KIRREL3: variants seen among roughly 807,000 people sequenced by gnomAD.
KIRREL3 encodes the protein kirre like nephrin family adhesion molecule 3.
Under a neutral mutation model 89.7 loss-of-function variants are expected in KIRREL3, and 36 were observed. That is an observed-to-expected ratio of 0.40 (90% CI 0.31 to 0.53). The LOEUF (loss-of-function observed/expected upper bound fraction) is 0.53, where lower values mean the gene tolerates loss of function less well. Among genes scored for constraint, KIRREL3 ranks in the 20% least tolerant of loss-of-function variants. The pLI, the probability that KIRREL3 is intolerant of heterozygous loss-of-function variation, is 0.49. For missense variants in KIRREL3, 864 were observed against 1,056.6 expected (o/e 0.82, Z 2.53); for synonymous variants, 445 against 441.4 (o/e 1.01, Z -0.10).
rs1421297064 is a variant in KIRREL3 at position 126,752,657 on chromosome 11, T to G, written c.56-189745A>C. 6.6e-6 allele frequency among the ~76,000 whole-genome samples: 1 copy of G among 152,094 alleles called. No homozygotes were observed. The highest frequency in any genetic ancestry group is 2.4e-5 in the African/African-American group (1 of 41,418). On this transcript the variant is annotated intron_variant, in intron 1 of 16. Transcript: ENST00000525144. This position sits in a 1 kb window ranked among gnomAD's most constrained non-coding sequence, Gnocchi z 4.8. ...CCCCCCCACCCACTGCCTCCCAAGA[T>G]TCACATGTGAAAGAATGCAAATTCA...
At position 126,575,233 on chromosome 11, in the gene KIRREL3, G is replaced by A. The variant is rs1941195759; in HGVS notation, c.56-12321C>T. On this transcript the variant is annotated intron_variant, in intron 1 of 16. Coordinates refer to ENST00000525144, the MANE Select transcript of KIRREL3 (RefSeq NM_032531.4). This position sits in a 1 kb window ranked among gnomAD's most constrained non-coding sequence, Gnocchi z 7.0. ...CCCTGGCTTGAAGCTTTGGACAGTC[G>A]GGGCAGGTTCTCTCTTGGCTCCTGA... 1.3e-5 allele frequency among the ~76,000 whole-genome samples: 2 copies of A among 152,198 alleles called. No individual in the cohort carries two copies. The highest frequency in any genetic ancestry group is 2.1e-4 in the South Asian group (1 of 4,826).
chr11:126,975,230 C>G (rs1949535049), intron 1 of KIRREL3, among the ~76,000 whole-genome samples: 1 of 152,150 alleles, frequency 6.6e-6, no homozygotes, highest in Non-Finnish European at 1.5e-5. Context: ...ATGTGAAAAT[C>G]CTGGAGGTCA....
chr11:126,430,980 C>T lies in KIRREL3; in HGVS notation c.1696+439G>A. On this transcript the variant is annotated intron_variant, in intron 14 of 16. Transcript: ENST00000525144. The surrounding 1 kb of genome is among the most constrained non-coding windows in gnomAD (Gnocchi z 6.6). ...GCAATTCCTTTATTGCTTCCCCACCCACTCCCCCACAGCTGTGTGAGTGAC... is the reference window on the plus strand; with the variant it reads ...GCAATTCCTTTATTGCTTCCCCACCTACTCCCCCACAGCTGTGTGAGTGAC... 9.2e-7 allele frequency: 1 copy of T among 1,086,068 alleles called. No homozygotes were observed. The highest frequency in any genetic ancestry group is 1.1e-6 in the Non-Finnish European group (1 of 894,952). 67.3% of individuals were successfully genotyped at this position (1,086,068 alleles called of 1,614,324 possible). A position where few individuals can be genotyped will look rare whatever the true frequency, so the allele number is the denominator to read the frequency against.
At position 126,675,419 on chromosome 11, in the gene KIRREL3, T is replaced by G. The variant is rs187307781; in HGVS notation, c.56-112507A>C. On this transcript the variant is annotated intron_variant, in intron 1 of 16. Transcript: ENST00000525144. ...CCACAACTTTGGACTGAGATTACAA[T>G]GAACAACATTTAGCATTGGCTTACC... Among the ~76,000 whole-genome samples, 645 of 152,340 alleles carry G rather than the reference T, an allele frequency of 4.2e-3. 3 individuals are homozygous for G. Among genetic ancestry groups the G allele is most frequent in the Non-Finnish European group, 7.1e-3 (484 of 68,020 alleles).
chr11:126,796,113 T>C lies in KIRREL3; in HGVS notation c.55+204342A>G, dbSNP rs545619537. Among the ~76,000 whole-genome samples the C allele has an allele frequency of 6.6e-6, 1 of 152,222 alleles. No homozygotes were observed. The highest frequency in any genetic ancestry group is 2.4e-5 in the African/African-American group (1 of 41,538). On this transcript the variant is annotated intron_variant, in intron 1 of 16. Coordinates refer to ENST00000525144, the MANE Select transcript of KIRREL3 (RefSeq NM_032531.4). The surrounding 1 kb of genome is among the most constrained non-coding windows in gnomAD (Gnocchi z 5.1). ...TCCATGGGGTCCATGGATCTTATTT[T>C]AGTTTTGCTAATGCAATAAAGTTGG...
In KIRREL3 at chr11:126,990,177, G is replaced by A. The variant is rs556727973; in HGVS notation, c.55+10278C>T. Among the ~76,000 whole-genome samples the A allele has an allele frequency of 6.6e-6, 1 of 152,150 alleles. No homozygotes were observed. The highest frequency in any genetic ancestry group is 1.5e-5 in the Non-Finnish European group (1 of 68,016). ...AGGACTCACCTTCACATACAGGAGA[G>A]AAACATCATCCCTGTGGCAGGGAAA... On this transcript the variant is annotated intron_variant, in intron 1 of 16. Transcript: ENST00000525144. The surrounding 1 kb of genome is among the most constrained non-coding windows in gnomAD (Gnocchi z 6.3).
chr11:126,775,240 T>G (rs994887957), intron 1 of KIRREL3, among the ~76,000 whole-genome samples: 2 of 152,168 alleles, frequency 1.3e-5, no homozygotes, highest in Non-Finnish European at 2.9e-5. Flanking sequence ...TATGCTCACT[T>G]AAGGAGTTGA....
intron 1 of KIRREL3, among the ~76,000 whole-genome samples, chr11:126,661,021 T>C (rs998732884): frequency 6.6e-6 from 1 of 152,214 alleles, no homozygotes; most frequent in Non-Finnish European, 1.5e-5. Flanking sequence ...AAACCACTGA[T>C]GTTTATGTGT....
Position 126,909,017 on chromosome 11 carries a change from A to T in KIRREL3, c.55+91438T>A, listed in dbSNP as rs1298311304. ...TTATATTATTTAAAGTTGTTATGTT[A>T]AATTTGTGTTATTTTTTATTGTTGA... On this transcript the variant is annotated intron_variant, in intron 1 of 16. Transcript: ENST00000525144. The surrounding 1 kb of genome is among the most constrained non-coding windows in gnomAD (Gnocchi z 4.5). 6.6e-6 allele frequency among the ~76,000 whole-genome samples: 1 copy of T among 152,144 alleles called. No individual in the cohort carries two copies. Among genetic ancestry groups the T allele is most frequent in the Non-Finnish European group, 1.5e-5 (1 of 68,026 alleles).
At chr11:126,894,060 A>T (rs2134788202) in intron 1 of KIRREL3, among the ~76,000 whole-genome samples, 1 of 152,328 alleles carries the variant, frequency 6.6e-6, no homozygotes, top group Non-Finnish European at 1.5e-5. Context: ...GGAAAACATG[A>T]CAAAATACAT....
At chr11:126,866,386 T>C (rs1944920195) in intron 1 of KIRREL3, among the ~76,000 whole-genome samples, 1 of 152,174 alleles carries the variant, frequency 6.6e-6, no homozygotes, top group Non-Finnish European at 1.5e-5. Flanking sequence ...CCTGCACCCC[T>C]GTAAGAATTA....
rs1243322097 is a variant in KIRREL3, at chr11:126,655,915, G to T, written c.56-93003C>A. ...TTATTTTTTGTTCCTGACACTGTTTGCACTGACTAAGATATCACGATGATG... is the reference window on the plus strand; with the variant it reads ...TTATTTTTTGTTCCTGACACTGTTTTCACTGACTAAGATATCACGATGATG... On this transcript the variant is annotated intron_variant, in intron 1 of 16. Coordinates refer to ENST00000525144, the MANE Select transcript of KIRREL3 (RefSeq NM_032531.4). This position sits in a 1 kb window ranked among gnomAD's most constrained non-coding sequence, Gnocchi z 5.0. Among the ~76,000 whole-genome samples, 1 of 151,812 alleles carries T rather than the reference G, an allele frequency of 6.6e-6. No individual in the cohort carries two copies. The highest frequency in any genetic ancestry group is 2.1e-4 in the South Asian group (1 of 4,808).
rs375069959 is a variant in KIRREL3 at position 126,765,580 on chromosome 11, A to C, written c.56-202668T>G. On this transcript the variant is annotated intron_variant, in intron 1 of 16. Transcript: ENST00000525144. ...GTCACCATTATTTACTACTACAGTT[A>C]TTTTTATTTAAGAAAGCCCCTTTCC... 8.3e-4 allele frequency among the ~76,000 whole-genome samples: 126 copies of C among 152,294 alleles called. 1 individual carries two copies. The South Asian group carries it at 0.025, about 30-fold the overall frequency.
In KIRREL3 at chr11:126,475,436, T is replaced by A. The variant is rs1017687738; in HGVS notation, c.434-1970A>T. Among the ~76,000 whole-genome samples the A allele has an allele frequency of 6.6e-6, 1 of 152,138 alleles. No homozygotes were observed. Among genetic ancestry groups the A allele is most frequent in the Admixed American group, 6.5e-5 (1 of 15,276 alleles). On this transcript the variant is annotated intron_variant, in intron 4 of 16. Transcript: ENST00000525144. The surrounding 1 kb of genome is among the most constrained non-coding windows in gnomAD (Gnocchi z 7.5). ...AAGCAAACCTTCAGAACAGCTGCCT[T>A]GCCCTCCCTGCCCGGCCTTGGAGGC...
intron 4 of KIRREL3, among the ~76,000 whole-genome samples, chr11:126,478,405 A>G (rs938538655): frequency 4.6e-5 from 7 of 152,050 alleles, no homozygotes; most frequent in African/African-American, 1.7e-4. Flanking sequence ...TTTGTTGAAT[A>G]TATTATTTGT....
Position 126,594,063 on chromosome 11 carries a change from T to A in KIRREL3, c.56-31151A>T, listed in dbSNP as rs141538788. ...GCTTTATTGGGGAAAAGAAATCACA[T>A]CCCCAGGCTCCCTTCCCTCTGTCCA... On this transcript the variant is annotated intron_variant, in intron 1 of 16. Coordinates refer to ENST00000525144, the MANE Select transcript of KIRREL3 (RefSeq NM_032531.4). The surrounding 1 kb of genome is among the most constrained non-coding windows in gnomAD (Gnocchi z 5.0). 7.9e-5 allele frequency among the ~76,000 whole-genome samples: 12 copies of A among 152,164 alleles called. No individual in the cohort carries two copies. In the East Asian group the frequency reaches 2.3e-3, roughly 29 times the overall value.
chr11:126,602,308 G>C (rs970591221), intron 1 of KIRREL3, among the ~76,000 whole-genome samples: 6 of 152,150 alleles, frequency 3.9e-5, no homozygotes, highest in African/African-American at 1.4e-4. Context: ...GGTGTGTGGG[G>C]TTATCTACAG....
chr11:126,492,188 C>T lies in KIRREL3; in HGVS notation c.434-18722G>A, dbSNP rs1957538011. 6.6e-6 allele frequency among the ~76,000 whole-genome samples: 1 copy of T among 152,148 alleles called. No individual in the cohort carries two copies. Among genetic ancestry groups the T allele is most frequent in the Admixed American group, 6.5e-5 (1 of 15,278 alleles). On this transcript the variant is annotated intron_variant, in intron 4 of 16. Transcript: ENST00000525144. This position sits in a 1 kb window ranked among gnomAD's most constrained non-coding sequence, Gnocchi z 4.8. ...TGATCTATAGACAGTCTCCTCTTCA[C>T]TGAAAGGGGAAGATGGGCTCAGGCT...
At chr11:126,873,955 T>C (rs1945189254) in intron 1 of KIRREL3, among the ~76,000 whole-genome samples, 2 of 152,240 alleles carry the variant, frequency 1.3e-5, no homozygotes, top group African/African-American at 4.8e-5. Context: ...AACTTTTTTT[T>C]CCAAGAATTC....
Sources: gnomAD v4.1 joint callset for allele counts (sites outside exome capture counted in the v4.1 genomes callset) on GRCh38, gnomAD v4.1.1 for gene constraint, Gnocchi (gnomAD v3.1) non-coding constraint, MANE v1.5 for transcripts, NCBI Gene and HGNC (gene_info 2026-07-23, HGNC 2026-07-21) for gene names.